The following RSBN1L variants were observed in gnomAD, a reference collection of about 807,000 sequenced individuals.
The protein encoded by RSBN1L is round spermatid basic protein 1 like, also known as lysine-specific demethylase RSBN1L.
A neutral mutation model predicts 67.7 loss-of-function variants in RSBN1L; 30 were observed. The ratio of observed to expected loss-of-function variants is 0.44; its 90% CI spans 0.33 to 0.60. The LOEUF (loss-of-function observed/expected upper bound fraction) is 0.60. Ranked by LOEUF, RSBN1L falls within the 20% of genes least tolerant of loss-of-function variation. RSBN1L has a pLI of 0.02. For synonymous variants in RSBN1L, 433 were observed against 387.0 expected, an observed-to-expected ratio of 1.12 and a Z score of -1.39; for missense variants, 992 against 1,031.7, an observed-to-expected ratio of 0.96 and a Z score of 0.53.
At chr7:77,770,323 C>G (rs1791830047) in intron 5 of RSBN1L, among the ~76,000 whole-genome samples, 1 of 151,832 alleles carries the variant, frequency 6.6e-6, no homozygotes, top group African/African-American at 2.4e-5. Flanking sequence ...TGCAGTGAAC[C>G]CAGATCGCTT....
In RSBN1L at chr7:77,779,532, A is replaced by G. The variant is rs1791968018; in HGVS notation, c.*364A>G. 1 of 150,396 alleles carries G rather than the reference A, an allele frequency of 6.6e-6. No homozygotes were observed. Among genetic ancestry groups the G allele is most frequent in the Non-Finnish European group, 1.5e-5 (1 of 67,644 alleles). The allele number at this position is 150,396 out of a possible 1,614,324, so 9.3% of individuals were successfully genotyped here. A position where few individuals can be genotyped will look rare whatever the true frequency, so the allele number is the denominator to read the frequency against. On this transcript the variant is annotated 3_prime_UTR_variant, in exon 8 of 8. Coordinates refer to ENST00000334955, the MANE Select transcript of RSBN1L (RefSeq NM_198467.3). ...AATTTAAAGCTTTTCCATAGAGCTT[A>G]TTTATATCCTTTTTTTTCATTTTAA...
intron 2 of RSBN1L, among the ~76,000 whole-genome samples, chr7:77,736,744 A>G (rs1408821483): frequency 6.6e-6 from 1 of 152,176 alleles, no homozygotes; most frequent in African/African-American, 2.4e-5. Context: ...TTAAAAGGTT[A>G]AGCTTCGTTA....
chr7:77,729,584 A>G (rs544853003), intron 1 of RSBN1L, among the ~76,000 whole-genome samples: 1 of 152,354 alleles, frequency 6.6e-6, no homozygotes, highest in East Asian at 1.9e-4. Context: ...TACATATTAC[A>G]CTGAAGCATA....
At chr7:77,741,553 G>A (rs945388745) in intron 2 of RSBN1L, among the ~76,000 whole-genome samples, 2 of 151,646 alleles carry the variant, frequency 1.3e-5, no homozygotes, top group East Asian at 2.0e-4. Context: ...TTAGCTGGGC[G>A]TGGTGGCAGG....
rs1319103326 is a variant in RSBN1L at position 77,696,930 on chromosome 7, A to T, written c.461A>T (p.Asn154Ile). 4 of 1,600,372 alleles carry T rather than the reference A, an allele frequency of 2.5e-6. No homozygotes were observed. The highest frequency in any genetic ancestry group is 3.4e-6 in the Non-Finnish European group (4 of 1,178,872). Residue 154 changes from asparagine (N) to isoleucine (I), a missense_variant, in exon 1 of 8, where the codon AAC becomes ATC. By Grantham distance (149) the Asn-to-Ile change is moderately radical. Transcript: ENST00000334955. ...GCCGCCGCCGCCGCTGCCTCGGCTA[A>T]CGCCAAGTCGCGCAGACCTAAGGAG... is the stretch of plus-strand genomic sequence containing the variant. ...LPAAAAAASA[N>I]AKSRRPKEKR...
intron 3 of RSBN1L, chr7:77,759,628 C>T (rs1439098439): frequency 6.6e-6 from 1 of 152,172 alleles, no homozygotes; most frequent in Non-Finnish European, 1.5e-5. Context: ...CTCCCACCCC[C>T]CTCAATTCTT....
Position 77,696,466 on chromosome 7 carries a change from C to T in RSBN1L, c.-4C>T. On this transcript the variant is annotated 5_prime_UTR_variant, in exon 1 of 8. Transcript: ENST00000334955. ...GAGGAGAGTAAATACAACAGGAGCG[C>T]AAAATGGCGGAACCGCCGAGCCCCG... 6.2e-7 allele frequency: 1 copy of T among 1,602,636 alleles called. No individual in the cohort carries two copies.
rs1188703645 is a variant in RSBN1L, at chr7:77,779,143, A to G, written c.2516A>G (p.Lys839Arg). 5 of 1,585,086 alleles carry G rather than the reference A, an allele frequency of 3.2e-6. No individual in the cohort carries two copies. Among genetic ancestry groups the G allele is most frequent in the Non-Finnish European group, 4.3e-6 (5 of 1,170,226 alleles). ...AGTTCAGCACATTCAAATCAAGATA[A>G]AAAAGACGATGACATTTTGTGCTAA... is the stretch of plus-strand genomic sequence containing the variant. ...QHSSAHSNQD[K>R]KDDDILC Residue 839 changes from lysine (K) to arginine (R), a missense_variant, in exon 8 of 8, where the codon AAA becomes AGA. This residue lies in a region of RSBN1L where 199 missense variants were observed against 167.7 expected (regional missense o/e 1.19). Transcript: ENST00000334955.
At chr7:77,731,003 G>A (rs1791265039) in intron 1 of RSBN1L, among the ~76,000 whole-genome samples, 1 of 152,208 alleles carries the variant, frequency 6.6e-6, no homozygotes, top group Non-Finnish European at 1.5e-5. Flanking sequence ...CAGCAGATGA[G>A]AGTTCCTTTT....
chr7:77,780,485 TTAC>T lies in RSBN1L; in HGVS notation c.*1320_*1322del, dbSNP rs994971770. 1 of 152,182 alleles carries T rather than the reference TTAC, an allele frequency of 6.6e-6. No homozygotes were observed. The highest frequency in any genetic ancestry group is 2.4e-5 in the African/African-American group (1 of 41,434). 9.4% of individuals were successfully genotyped at this position (152,182 alleles called of 1,614,324 possible). A position where few individuals can be genotyped will look rare whatever the true frequency, so the allele number is the denominator to read the frequency against. On this transcript the variant is annotated 3_prime_UTR_variant, in exon 8 of 8. Coordinates refer to ENST00000334955, the MANE Select transcript of RSBN1L (RefSeq NM_198467.3). The stretch of plus-strand genomic sequence containing the variant: ...ATGATAAGAAGTTTAGAGAATTTTC[TTAC>T]TAGTAAGTACCTTTACTAAGTAATA...
At chr7:77,698,543 T>G (rs1562791082) in intron 1 of RSBN1L, among the ~76,000 whole-genome samples, 1 of 152,196 alleles carries the variant, frequency 6.6e-6, no homozygotes, top group African/African-American at 2.4e-5. Context: ...TGAGAAGAAA[T>G]AAGTAAGCAT....
rs1044778688 is a variant in RSBN1L at position 77,779,602 on chromosome 7, G to T, written c.*434G>T. On this transcript the variant is annotated 3_prime_UTR_variant, in exon 8 of 8. Transcript: ENST00000334955. ...TAAATAGCTTTTAAATATCTTTTTA[G>T]TGTGATTTATACTGAAATGTGAGCC... 2 of 151,144 alleles carry T rather than the reference G, an allele frequency of 1.3e-5. No homozygotes were observed. Among genetic ancestry groups the T allele is most frequent in the African/African-American group, 4.9e-5 (2 of 41,102 alleles). The allele number at this position is 151,144 out of a possible 1,614,324, so 9.4% of individuals were successfully genotyped here.
At chr7:77,772,820 A>G (rs1791866003) in intron 5 of RSBN1L, among the ~76,000 whole-genome samples, 1 of 152,342 alleles carries the variant, frequency 6.6e-6, no homozygotes, top group East Asian at 1.9e-4. Flanking sequence ...ATATATATCT[A>G]TCTTGTGTTA....
At chr7:77,774,609 T>C (rs1177447631) in intron 6 of RSBN1L, among the ~76,000 whole-genome samples, 1 of 152,090 alleles carries the variant, frequency 6.6e-6, no homozygotes, top group East Asian at 1.9e-4. Flanking sequence ...TGGTGGCACG[T>C]GCCTGTAATC....
chr7:77,717,424 AATGTT>A (rs1270280563), intron 1 of RSBN1L, among the ~76,000 whole-genome samples: 1 of 152,220 alleles, frequency 6.6e-6, no homozygotes, highest in Non-Finnish European at 1.5e-5. Context: ...TTGGATATAT[AATGTT>A]ATAACAGTGA....
chr7:77,735,726 G>A (rs1349513667), intron 1 of RSBN1L, among the ~76,000 whole-genome samples: 2 of 152,042 alleles, frequency 1.3e-5, no homozygotes, highest in African/African-American at 2.4e-5. Context: ...CTTTTGCTGG[G>A]TGCATAGGAA....
chr7:77,713,914 C>G (rs1791010367), intron 1 of RSBN1L, among the ~76,000 whole-genome samples: 1 of 152,104 alleles, frequency 6.6e-6, no homozygotes, highest in African/African-American at 2.4e-5. Context: ...AATCTTTGCT[C>G]TGTTTAGAAT....
chr7:77,782,037 T>C lies in RSBN1L; in HGVS notation c.*2869T>C, dbSNP rs1792006789. The C allele has an allele frequency of 6.6e-6, 1 of 151,730 alleles. No homozygotes were observed. The allele number at this position is 151,730 out of a possible 1,614,324, so 9.4% of individuals were successfully genotyped here. The stretch of plus-strand genomic sequence containing the variant: ...AAGTATAAATCAGTGGGCTCAAGAT[T>C]TGCAGGTACAGCCTTGTTAATGCCT... On this transcript the variant is annotated 3_prime_UTR_variant, in exon 8 of 8. Coordinates refer to ENST00000334955, the MANE Select transcript of RSBN1L (RefSeq NM_198467.3).
intron 4 of RSBN1L, among the ~76,000 whole-genome samples, chr7:77,768,048 C>T (rs528922566): frequency 4.0e-5 from 6 of 150,662 alleles, no homozygotes; most frequent in South Asian, 2.1e-4. Context: ...GGGGTTTCAC[C>T]GTGCTGGCCA....
Sources: allele counts gnomAD v4.1 joint callset (sites outside exome capture counted in the v4.1 genomes callset), GRCh38; gene constraint gnomAD v4.1.1; regional missense constraint gnomAD v4.1.1; transcripts MANE v1.5; gene names NCBI Gene and HGNC (gene_info 2026-07-23, HGNC 2026-07-21).